CHM: variants seen among roughly 807,000 people sequenced by gnomAD.
CHM encodes rab proteins geranylgeranyltransferase component A 1.
A neutral mutation model predicts 49.0 loss-of-function variants in CHM; 10 were observed. That is an observed-to-expected ratio of 0.20 (90% CI 0.13 to 0.35). The LOEUF is 0.35. CHM is among the 10% of genes least tolerant of loss of function. The pLI is 1.00. For synonymous variants in CHM, 184 were observed against 167.5 expected (o/e 1.10, Z -0.76); for missense variants, 455 against 478.4 (o/e 0.95, Z 0.46).
intron 8 of CHM, among the ~76,000 whole-genome samples, chrX:85,937,429 G>C (rs1012772997): frequency 1.8e-5 from 2 of 109,585 alleles, no homozygotes; most frequent in Non-Finnish European, 3.8e-5. Flanking sequence ...TTTAAGAGCT[G>C]GAATAGTATA....
At chrX:85,981,606 G>A in intron 3 of CHM, 131 bp downstream of exon 3, 2 of 492,334 alleles carry the variant, frequency 4.1e-6, no homozygotes, top group East Asian at 3.8e-5. Flanking sequence ...CATATTTTTT[G>A]TAAAATAAGT....
intron 5 of CHM, among the ~76,000 whole-genome samples, chrX:85,962,988 G>C (rs957640316): frequency 2.7e-5 from 3 of 111,262 alleles, no homozygotes; most frequent in Non-Finnish European, 5.6e-5. Flanking sequence ...CTGAACACAT[G>C]ATTTTTTTGA....
Position 86,027,311 on chromosome X carries a change from T to G in CHM, c.116+180A>C, listed in dbSNP as rs941667654. On this transcript the variant is annotated intron_variant, in intron 2 of 14. Transcript: ENST00000357749. ...ATTTCACAAAATAGTAAAACTTGTATGCTATATATTTCACATATTAGTGGT... is the reference window on the plus strand; with the variant it reads ...ATTTCACAAAATAGTAAAACTTGTAGGCTATATATTTCACATATTAGTGGT... The G allele has an allele frequency of 3.0e-5, 13 of 431,806 alleles. No individual in the cohort carries two copies. The East Asian group carries it at 4.7e-4, about 16-fold the overall frequency. The allele number at this position is 431,806 out of a possible 1,213,427, so 35.6% of individuals were successfully genotyped here.
At chrX:85,985,419 A>G (rs1931853372) in intron 2 of CHM, among the ~76,000 whole-genome samples, 2 of 112,512 alleles carry the variant, frequency 1.8e-5, no homozygotes. Context: ...CCTCCCTGGA[A>G]GGAAGCTCCC....
At chrX:86,025,981 G>C (rs1284523055) in intron 2 of CHM, among the ~76,000 whole-genome samples, 6 of 109,304 alleles carry the variant, frequency 5.5e-5, no homozygotes, top group Non-Finnish European at 1.1e-4. Context: ...CTACCTTTGA[G>C]AAATGAGAAG....
intron 2 of CHM, among the ~76,000 whole-genome samples, chrX:85,990,421 C>T (rs760001321): frequency 2.7e-5 from 3 of 111,329 alleles, no homozygotes; most frequent in African/African-American, 6.5e-5. Context: ...ATGAGTACAA[C>T]GAACCCCCAT....
At chrX:85,869,360 GCTAGTTCCT>G (rs1198227525) in intron 14 of CHM, among the ~76,000 whole-genome samples, 1 of 110,595 alleles carries the variant, frequency 9.0e-6, no homozygotes, top group Admixed American at 9.7e-5. Context: ...CTTCTTCTAT[GCTAGTTCCT>G]CTGTGTTTGA....
chrX:86,012,094 A>G (rs1297163244), intron 2 of CHM, among the ~76,000 whole-genome samples: 4 of 112,084 alleles, frequency 3.6e-5, no homozygotes, highest in Non-Finnish European at 7.5e-5. Context: ...TAATAGCAGT[A>G]AGTGATGAGG....
intron 8 of CHM, among the ~76,000 whole-genome samples, chrX:85,919,465 C>T (rs762315233): frequency 9.1e-6 from 1 of 110,397 alleles, no homozygotes; most frequent in East Asian, 2.8e-4. Context: ...CTAAATGGGG[C>T]CTCAAATACA....
At chrX:86,039,132 C>T (rs1934356822) in intron 1 of CHM, among the ~76,000 whole-genome samples, 1 of 111,962 alleles carries the variant, frequency 8.9e-6, no homozygotes, top group Admixed American at 9.4e-5. Flanking sequence ...CCGTGCTTGG[C>T]ATATAACAAA....
At position 85,881,421 on chromosome X, in the gene CHM, G is replaced by A. The variant is rs141477457; in HGVS notation, c.1511-2358C>T. 8.1e-3 allele frequency among the ~76,000 whole-genome samples: 904 copies of A among 112,279 alleles called. 5 individuals are homozygous for A. The highest frequency in any genetic ancestry group is 0.013 in the Admixed American group (141 of 10,589). ...CTGTACAAATAACATGCATGTGTTA[G>A]ACACTATTTTAAGCATGCTACAAGT... On this transcript the variant is annotated intron_variant, in intron 12 of 14. Coordinates refer to ENST00000357749, the MANE Select transcript of CHM (RefSeq NM_000390.4).
At chrX:85,919,544 T>G (rs1379585111) in intron 8 of CHM, among the ~76,000 whole-genome samples, 1 of 110,469 alleles carries the variant, frequency 9.1e-6, no homozygotes, top group Non-Finnish European at 1.9e-5. Context: ...CATCAAAAAA[T>G]TACCTGATTT....
rs775174259 is a variant in CHM at position 85,946,281 on chromosome X, A to G, written c.1166+9872T>C. On this transcript the variant is annotated intron_variant, in intron 8 of 14. Coordinates refer to ENST00000357749, the MANE Select transcript of CHM (RefSeq NM_000390.4). ...AGAGAAATGTGCATAACTAAAAAGG[A>G]GCCAAGTACTAACAGCCAAGACAAT... is the stretch of plus-strand genomic sequence containing the variant. Among the ~76,000 whole-genome samples, 10 of 112,727 alleles carry G rather than the reference A, an allele frequency of 8.9e-5. 1 individual carries two copies. The South Asian group carries it at 2.9e-3, about 33-fold the overall frequency.
In CHM at chrX:85,947,404, G is replaced by A. The variant is rs774562246; in HGVS notation, c.1166+8749C>T. 2.7e-5 allele frequency among the ~76,000 whole-genome samples: 3 copies of A among 111,302 alleles called. No homozygotes were observed. In the South Asian group the frequency reaches 1.1e-3, roughly 42 times the overall value. ...TAATGAGTGAGTTCTCATGAGTTCT[G>A]GCTGTTAAAAAGTGTGTGGCACCTC... On this transcript the variant is annotated intron_variant, in intron 8 of 14. Transcript: ENST00000357749.
At chrX:85,933,885 A>G (rs1015537718) in intron 8 of CHM, among the ~76,000 whole-genome samples, 3 of 112,545 alleles carry the variant, frequency 2.7e-5, no homozygotes, top group African/African-American at 9.7e-5. Flanking sequence ...TGAAGGATGC[A>G]TATTATAAAA....
chrX:85,971,424 C>T (rs1372338537), intron 4 of CHM: 3 of 144,664 alleles, frequency 2.1e-5, no homozygotes, highest in Non-Finnish European at 4.0e-5. Flanking sequence ...GTCTCGCTGG[C>T]TCAGGAGTGA....
rs954305615 is a variant in CHM, at chrX:85,981,682, A to AC, written c.189+54dup. 16 of 847,497 alleles carry AC rather than the reference A, an allele frequency of 1.9e-5. No individual in the cohort carries two copies. The African/African-American group carries it at 2.6e-4, about 14-fold the overall frequency. The allele number at this position is 847,497 out of a possible 1,213,427, so 69.8% of individuals were successfully genotyped here. A position where few individuals can be genotyped will look rare whatever the true frequency, so the allele number is the denominator to read the frequency against. ...TTAGGGTTTTCTTCAGTGCAGGGTTACTATGTAACATACAATAAAACAAAG... is the reference window on the plus strand; with the variant it reads ...TTAGGGTTTTCTTCAGTGCAGGGTTACCTATGTAACATACAATAAAACAAAG... On this transcript the variant is annotated intron_variant, in intron 3 of 14. Transcript: ENST00000357749.
intron 12 of CHM, among the ~76,000 whole-genome samples, chrX:85,892,970 C>A (rs1292788586): frequency 9.0e-6 from 1 of 111,530 alleles, no homozygotes; most frequent in Non-Finnish European, 1.9e-5. Context: ...CTATGAATCC[C>A]TAGAGTACAC....
intron 2 of CHM, among the ~76,000 whole-genome samples, chrX:85,986,017 G>A (rs768357516): frequency 9.0e-6 from 1 of 110,878 alleles, no homozygotes; most frequent in African/African-American, 3.3e-5. Flanking sequence ...GACTTCCCTT[G>A]CTACCCTTGG....
Sources: gnomAD v4.1 joint callset for allele counts (sites outside exome capture counted in the v4.1 genomes callset) on GRCh38, gnomAD v4.1.1 for gene constraint, MANE v1.5 for transcripts, NCBI Gene and HGNC (gene_info 2026-07-23, HGNC 2026-07-21) for gene names.